Variants in ZNF790 observed in about 807,000 individuals in gnomAD.
ZNF790 encodes zinc finger protein 790.
In ZNF790, 8 loss-of-function variants were observed where a neutral mutation model predicts 12.1. That is an observed-to-expected ratio of 0.66 (90% CI 0.39 to 1.19). The LOEUF (loss-of-function observed/expected upper bound fraction) is 1.19. ZNF790 is among the 50% of genes most tolerant of loss of function. The pLI, the probability that ZNF790 is intolerant of heterozygous loss-of-function variation, is 0.01. For missense variants in ZNF790, 707 were observed against 752.2 expected (o/e 0.94, Z 0.70); for synonymous variants, 252 against 244.3 (o/e 1.03, Z -0.29).
chr19:36,825,713 G>T, intron 1 of ZNF790, 21 bp from the exon 2 acceptor site: 2 of 1,390,128 alleles, frequency 1.4e-6, no homozygotes, highest in Admixed American at 1.7e-5. Flanking sequence ...AGAATCACAA[G>T]GTCAGGCCTT....
chr19:36,823,232 T>G, intron 4 of ZNF790, 53 bp downstream of exon 4: 75 of 1,487,556 alleles, frequency 5.0e-5, no homozygotes, highest in Non-Finnish European at 6.8e-5. Context: ...ACTGTGCAGC[T>G]GAGCTGTTAT....
At chr19:36,844,687 A>T (rs1309244776) in intron 1 of ZNF790, among the ~76,000 whole-genome samples, 1 of 152,164 alleles carries the variant, frequency 6.6e-6, no homozygotes, top group African/African-American at 2.4e-5. Context: ...AATCTCCTTC[A>T]AAAAAGAAAG....
intron 2 of ZNF790, among the ~76,000 whole-genome samples, 170 bp downstream of exon 2, chr19:36,825,441 C>T (rs1254217168): frequency 6.6e-6 from 1 of 152,180 alleles, no homozygotes; most frequent in Non-Finnish European, 1.5e-5. Flanking sequence ...TTTGGTCATA[C>T]TGGTTGGAGA....
At position 36,838,100 on chromosome 19, in the gene ZNF790, G is replaced by T; in HGVS notation, c.-74+237C>A. The T allele has an allele frequency of 1.3e-5, 1 of 79,316 alleles. No individual in the cohort carries two copies. The highest frequency in any genetic ancestry group is 2.7e-5 in the Non-Finnish European group (1 of 37,560). The allele number at this position is 79,316 out of a possible 1,614,324, so 4.9% of individuals were successfully genotyped here. On this transcript the variant is annotated intron_variant, in intron 1 of 4. Coordinates refer to ENST00000356725, the MANE Select transcript of ZNF790 (RefSeq NM_206894.4). This position sits in a 1 kb window ranked among gnomAD's most constrained non-coding sequence, Gnocchi z 4.4. Reference sequence around the variant, plus strand: ...CAGCGCCTGTCAACGTCGTGTGCGCGTGCGCGCACACACACACACACACAC... The same window carrying T: ...CAGCGCCTGTCAACGTCGTGTGCGCTTGCGCGCACACACACACACACACAC...
chr19:36,847,487 C>T (rs778850060), intron 1 of ZNF790, among the ~76,000 whole-genome samples: 1 of 151,714 alleles, frequency 6.6e-6, no homozygotes, highest in African/African-American at 2.4e-5. Flanking sequence ...GAGCCCTTCA[C>T]GCCTGTAATC....
Position 36,819,998 on chromosome 19 carries a change from A to G in ZNF790, c.346T>C (p.Cys116Arg), listed in dbSNP as rs748577025. Residue 116 changes from cysteine (C) to arginine (R), a missense_variant, in exon 5 of 5, where the codon TGT becomes CGT. Transcript: ENST00000356725. ...ICKNHSLDCL[C>R]FRGDWEGNTQ... Reference sequence around the variant, plus strand: ...TTGCCTTCCCAGTCACCTCTAAAACATAAACAGTCAAGGCTGTGGTTTTTA... The same window carrying G: ...TTGCCTTCCCAGTCACCTCTAAAACGTAAACAGTCAAGGCTGTGGTTTTTA... 4 of 1,613,906 alleles carry G rather than the reference A, an allele frequency of 2.5e-6. No individual in the cohort carries two copies. The East Asian group carries it at 8.9e-5, about 36-fold the overall frequency.
chr19:36,842,150 G>A (rs1008416516), upstream of ZNF790, among the ~76,000 whole-genome samples: 5 of 152,152 alleles, frequency 3.3e-5, no homozygotes, highest in African/African-American at 1.2e-4. Context: ...AAATGTAAAC[G>A]TCTGCTATTG....
At chr19:36,845,223 C>T (rs2072169461) in intron 1 of ZNF790, among the ~76,000 whole-genome samples, 1 of 151,804 alleles carries the variant, frequency 6.6e-6, no homozygotes, top group South Asian at 2.1e-4. Context: ...TCAAGACCAG[C>T]CTGAGCAATA....
intron 1 of ZNF790, among the ~76,000 whole-genome samples, chr19:36,836,320 A>G (rs1438239572): frequency 2.0e-5 from 3 of 152,156 alleles, no homozygotes; most frequent in African/African-American, 7.2e-5. Context: ...GCTAGCCTGC[A>G]AAATAGCTCA....
intron 1 of ZNF790, among the ~76,000 whole-genome samples, chr19:36,836,059 T>TAAGG (rs2072038374): frequency 7.9e-5 from 12 of 152,096 alleles, no homozygotes; most frequent in African/African-American, 2.9e-4. Flanking sequence ...TCTGCCTACC[T>TAAGG]TGACCCCCCT....
chr19:36,823,584 A>C, intron 3 of ZNF790, 83 bp downstream of exon 3: 1 of 1,544,606 alleles, frequency 6.5e-7, no homozygotes, highest in Non-Finnish European at 8.8e-7. Context: ...CAAAGGTCAG[A>C]AGTTACCCTG....
intron 1 of ZNF790, among the ~76,000 whole-genome samples, chr19:36,828,770 T>C (rs1401621741): frequency 1.3e-5 from 2 of 152,216 alleles, no homozygotes; most frequent in African/African-American, 2.4e-5. Context: ...TAGGCCACCA[T>C]GTCCAGCCAA....
chr19:36,841,159 C>CAA (rs1336390792), upstream of ZNF790, among the ~76,000 whole-genome samples: 1 of 152,172 alleles, frequency 6.6e-6, no homozygotes, highest in Non-Finnish European at 1.5e-5. Flanking sequence ...TGGAGAGGTA[C>CAA]AATTTGCATT....
At chr19:36,848,408 C>T (rs948409386) in intron 1 of ZNF790, among the ~76,000 whole-genome samples, 12 of 152,150 alleles carry the variant, frequency 7.9e-5, no homozygotes, top group African/African-American at 2.7e-4. Flanking sequence ...GCTTATTTCC[C>T]GGACTACCCC....
In ZNF790 at chr19:36,819,586, G is replaced by A; in HGVS notation, c.758C>T (p.Pro253Leu). Residue 253 changes from proline (P) to leucine (L), a missense_variant, in exon 5 of 5, where the codon CCT becomes CTT. Physicochemically the swap from Pro to Leu is moderately conservative, Grantham distance 98. Transcript: ENST00000356725. ...TTTCCCACAATCCTTACATTTAAAA[G>A]GTTTCTCACCGGTATGAATTCTCTT... ...GHKRIHTGEK[P>L]FKCKDCGKAF... The A allele has an allele frequency of 6.2e-7, 1 of 1,610,264 alleles. No homozygotes were observed. Among genetic ancestry groups the A allele is most frequent in the East Asian group, 2.2e-5 (1 of 44,820 alleles).
intron 1 of ZNF790, among the ~76,000 whole-genome samples, chr19:36,831,875 G>A (rs546851791): frequency 1.1e-4 from 17 of 152,108 alleles, no homozygotes; most frequent in African/African-American, 4.1e-4. Context: ...CAAAATAGTA[G>A]CAAAACATGA....
chr19:36,822,281 ATTT>A (rs1183060813), intron 4 of ZNF790, among the ~76,000 whole-genome samples: 1 of 152,138 alleles, frequency 6.6e-6, no homozygotes, highest in African/African-American at 2.4e-5. Flanking sequence ...GGTTAAAAAA[ATTT>A]TTTTAACTGA....
rs185846490 is a variant in ZNF790, at chr19:36,825,377, C to T, written c.9+234G>A. Reference sequence around the variant, plus strand: ...CTTAAGGAAATGTATTTCTCTTCTTCAGTGCTCTGCCAGATTGGGACACAG... The same window carrying T: ...CTTAAGGAAATGTATTTCTCTTCTTTAGTGCTCTGCCAGATTGGGACACAG... On this transcript the variant is annotated intron_variant, in intron 2 of 4. Coordinates refer to ENST00000356725, the MANE Select transcript of ZNF790 (RefSeq NM_206894.4). Among the ~76,000 whole-genome samples, 61 of 152,302 alleles carry T rather than the reference C, an allele frequency of 4.0e-4. No individual in the cohort carries two copies. The highest frequency in any genetic ancestry group is 6.6e-4 in the Non-Finnish European group (45 of 68,038).
chr19:36,823,819 A>G (rs374966676), intron 2 of ZNF790, 29 bp from the exon 3 acceptor site: 1 of 1,576,310 alleles, frequency 6.3e-7, no homozygotes, highest in African/African-American at 1.4e-5. Context: ...CCAAGTATTA[A>G]TGGTGAAATT....
Sources: gnomAD v4.1 joint callset for allele counts (sites outside exome capture counted in the v4.1 genomes callset) on GRCh38, gnomAD v4.1.1 for gene constraint, Gnocchi (gnomAD v3.1) non-coding constraint, MANE v1.5 for transcripts, NCBI Gene and HGNC (gene_info 2026-07-23, HGNC 2026-07-21) for gene names.